The following PTPRN2 variants were observed in gnomAD, a reference collection of about 807,000 sequenced individuals.
PTPRN2 encodes the protein receptor-type tyrosine-protein phosphatase N2.
PTPRN2 carries 74 observed loss-of-function variants against 118.8 expected under a neutral mutation model. That is an observed-to-expected ratio of 0.62 (90% CI 0.52 to 0.76). The LOEUF (loss-of-function observed/expected upper bound fraction) is 0.76, where lower values mean the gene tolerates loss of function less well. PTPRN2 is among the 30% of genes least tolerant of loss of function. The pLI is 0.00. For synonymous variants in PTPRN2, 641 were observed against 608.0 expected, an observed-to-expected ratio of 1.05 and a Z score of -0.80; for missense variants, 1,481 against 1,394.4, an observed-to-expected ratio of 1.06 and a Z score of -0.99.
chr7:158,177,282 T>C (rs1824297444), intron 5 of PTPRN2, among the ~76,000 whole-genome samples: 1 of 152,206 alleles, frequency 6.6e-6, no homozygotes, highest in Non-Finnish European at 1.5e-5. Flanking sequence ...GCCAATCTAG[T>C]GACATGAAGT....
rs573111107 is a variant in PTPRN2, at chr7:157,555,269, A to G, written c.2903-6250T>C. ...GTTAAATACATTTGTAAGACAACAG[A>G]GGGTTTTTTTTTAGCTTTAGATAAA... On this transcript the variant is annotated intron_variant, in intron 21 of 22. Transcript: ENST00000389418. Among the ~76,000 whole-genome samples, 17 of 152,324 alleles carry G rather than the reference A, an allele frequency of 1.1e-4. 1 individual carries two copies. In the South Asian group the frequency reaches 3.3e-3, roughly 30 times the overall value.
At chr7:158,211,338 A>G (rs529414846) in intron 3 of PTPRN2, among the ~76,000 whole-genome samples, 1 of 152,330 alleles carries the variant, frequency 6.6e-6, no homozygotes, top group South Asian at 2.1e-4. Flanking sequence ...AGCACAGGCA[A>G]CCAAAGCAAA....
At chr7:157,915,017 T>C (rs1798318541) in intron 11 of PTPRN2, among the ~76,000 whole-genome samples, 1 of 152,196 alleles carries the variant, frequency 6.6e-6, no homozygotes, top group East Asian at 1.9e-4. Flanking sequence ...TTGTGGTCTC[T>C]TTTAAGACTA....
intron 2 of PTPRN2, among the ~76,000 whole-genome samples, chr7:158,478,781 G>A (rs545500596): frequency 7.2e-5 from 11 of 152,310 alleles, no homozygotes; most frequent in African/African-American, 2.4e-4. Flanking sequence ...TTCAGTGGCT[G>A]TTTAATTAGC....
At chr7:157,773,276 G>A (rs1218970991) in intron 12 of PTPRN2, among the ~76,000 whole-genome samples, 2 of 152,184 alleles carry the variant, frequency 1.3e-5, no homozygotes, top group Non-Finnish European at 1.5e-5. Flanking sequence ...TTAGCTCTAC[G>A]CGGACATTAG....
At chr7:158,051,825 G>A (rs1427701145) in intron 11 of PTPRN2, among the ~76,000 whole-genome samples, 2 of 152,186 alleles carry the variant, frequency 1.3e-5, no homozygotes, top group Non-Finnish European at 2.9e-5. Flanking sequence ...ACTTAAACAA[G>A]TAGGCCCGGC....
chr7:158,330,113 A>C (rs1804074103), intron 2 of PTPRN2, among the ~76,000 whole-genome samples: 1 of 144,220 alleles, frequency 6.9e-6, no homozygotes, highest in Admixed American at 7.1e-5. Flanking sequence ...CCACACTCTC[A>C]CCATAAGAGC....
chr7:157,967,029 CCACAGGCTGGCTGGGTG>C (rs1801992528), intron 11 of PTPRN2, among the ~76,000 whole-genome samples: 1 of 152,204 alleles, frequency 6.6e-6, no homozygotes, highest in Non-Finnish European at 1.5e-5. Flanking sequence ...CTTAAAAAAC[CCACAGGCTGGCTGGGTG>C]CAGTGGCTCA....
At position 157,610,539 on chromosome 7, in the gene PTPRN2, G is replaced by T. The variant is rs1489859545; in HGVS notation, c.2345-6464C>A. 6.6e-6 allele frequency among the ~76,000 whole-genome samples: 1 copy of T among 152,228 alleles called. No individual in the cohort carries two copies. Among genetic ancestry groups the T allele is most frequent in the Non-Finnish European group, 1.5e-5 (1 of 68,048 alleles). Reference sequence around the variant, plus strand: ...CTCCGAGTTTATGGTGTCCATCGAGGTCTGAGGGCTGCAAAGGCACATCCC... The same window carrying T: ...CTCCGAGTTTATGGTGTCCATCGAGTTCTGAGGGCTGCAAAGGCACATCCC... On this transcript the variant is annotated intron_variant, in intron 15 of 22. Transcript: ENST00000389418. This position sits in a 1 kb window ranked among gnomAD's most constrained non-coding sequence, Gnocchi z 5.1.
intron 2 of PTPRN2, among the ~76,000 whole-genome samples, chr7:158,455,977 C>T (rs13243599): frequency 5.3e-5 from 8 of 150,572 alleles, no homozygotes; most frequent in Non-Finnish European, 1.0e-4. Context: ...TGGACGCCAT[C>T]GGCCACGGCC....
At chr7:158,514,710 C>T (rs1476144319) in intron 1 of PTPRN2, among the ~76,000 whole-genome samples, 1 of 152,202 alleles carries the variant, frequency 6.6e-6, no homozygotes, top group Non-Finnish European at 1.5e-5. Flanking sequence ...CTGGAATTTG[C>T]TTTTTCGTTA....
rs544095268 is a variant in PTPRN2 at position 157,882,521 on chromosome 7, C to T, written c.1788+16152G>A. Among the ~76,000 whole-genome samples, 34 of 145,902 alleles carry T rather than the reference C, an allele frequency of 2.3e-4. No homozygotes were observed. In the South Asian group the frequency reaches 7.1e-3, roughly 30 times the overall value. ...AACATACCACCCTAAAAATGACTGT[C>T]AAAGACCAGAACATGCCACCCCAAA... On this transcript the variant is annotated intron_variant, in intron 12 of 22. Coordinates refer to ENST00000389418, the MANE Select transcript of PTPRN2 (RefSeq NM_002847.5).
chr7:157,636,817 CCT>C (rs769126102), intron 14 of PTPRN2, among the ~76,000 whole-genome samples: 132 of 152,290 alleles, frequency 8.7e-4, no homozygotes, highest in Non-Finnish European at 1.4e-3. Context: ...CCATTTTAAA[CCT>C]CTCTGCTTAG....
chr7:157,840,057 G>C (rs1425601314), intron 12 of PTPRN2, among the ~76,000 whole-genome samples: 1 of 150,572 alleles, frequency 6.6e-6, no homozygotes, highest in Non-Finnish European at 1.5e-5. Context: ...GAGTGTGTGT[G>C]ACTGTGTAAC....
Position 157,590,667 on chromosome 7 carries a change from G to A in PTPRN2, c.2496+4571C>T, listed in dbSNP as rs991301068. Among the ~76,000 whole-genome samples, 1 of 151,078 alleles carries A rather than the reference G, an allele frequency of 6.6e-6. No individual in the cohort carries two copies. The highest frequency in any genetic ancestry group is 1.5e-5 in the Non-Finnish European group (1 of 67,814). On this transcript the variant is annotated intron_variant, in intron 17 of 22. Transcript: ENST00000389418. This position sits in a 1 kb window ranked among gnomAD's most constrained non-coding sequence, Gnocchi z 4.0. ...CCCTGCGGGACGGGGAGCTGATGGG[G>A]CCTCGCGGTGCCATGCTGGGGGAGA...
chr7:157,649,437 A>G (rs1805460752), intron 14 of PTPRN2, among the ~76,000 whole-genome samples: 1 of 139,784 alleles, frequency 7.2e-6, no homozygotes, highest in Admixed American at 7.1e-5. Flanking sequence ...CTGTGCACTG[A>G]ACTCGGTGGG....
intron 21 of PTPRN2, among the ~76,000 whole-genome samples, chr7:157,556,675 CAT>C (rs768937800): frequency 2.4e-4 from 35 of 147,374 alleles, no homozygotes; most frequent in South Asian, 4.4e-4. Context: ...CCCACACTCA[CAT>C]GTCACATACA....
At chr7:158,059,020 G>A (rs1278293136) in intron 11 of PTPRN2, among the ~76,000 whole-genome samples, 2 of 112,526 alleles carry the variant, frequency 1.8e-5, no homozygotes, top group South Asian at 6.8e-4. Flanking sequence ...CACTCCATCT[G>A]CCCACAGTGA....
chr7:158,262,174 G>A (rs1363932112), intron 3 of PTPRN2, among the ~76,000 whole-genome samples: 1 of 152,132 alleles, frequency 6.6e-6, no homozygotes, highest in African/African-American at 2.4e-5. Context: ...GTTCACTCCT[G>A]CCTCCCTCCC....
Sources: gnomAD v4.1 joint callset for allele counts (sites outside exome capture counted in the v4.1 genomes callset) on GRCh38, gnomAD v4.1.1 for gene constraint, Gnocchi (gnomAD v3.1) non-coding constraint, MANE v1.5 for transcripts, NCBI Gene and HGNC (gene_info 2026-07-23, HGNC 2026-07-21) for gene names.